Variants in SHC3 observed in about 807,000 individuals in gnomAD.
SHC3 encodes the protein SHC-transforming protein 3.
A neutral mutation model predicts 60.4 loss-of-function variants in SHC3; 15 were observed. The ratio of observed to expected loss-of-function variants is 0.25; its 90% CI spans 0.17 to 0.38. The LOEUF (loss-of-function observed/expected upper bound fraction) is 0.38. Ranked by LOEUF, SHC3 falls within the 10% of genes least tolerant of loss-of-function variation. The probability of loss-of-function intolerance (pLI) is 1.00; values close to 1 mark genes in which losing one functional copy is unlikely to be tolerated. For missense variants in SHC3, 677 were observed against 786.1 expected (o/e 0.86, Z 1.66); for synonymous variants, 294 against 325.9 (o/e 0.90, Z 1.05).
At position 89,006,492 on chromosome 9, in the gene SHC3, A is replaced by T. The variant is rs1268174000; in HGVS notation, c.*6955T>A. ...TCCAGCACAAAGTAGAAAGTGGTGA[A>T]TTGGCAATACGCCAAGACATAGACT... is the stretch of plus-strand genomic sequence containing the variant. On this transcript the variant is annotated 3_prime_UTR_variant, in exon 12 of 12. Coordinates refer to ENST00000375835, the MANE Select transcript of SHC3 (RefSeq NM_016848.6). 6.6e-6 allele frequency: 1 copy of T among 152,260 alleles called. No individual in the cohort carries two copies. Among genetic ancestry groups the T allele is most frequent in the Non-Finnish European group, 1.5e-5 (1 of 68,046 alleles). 9.4% of individuals were successfully genotyped at this position (152,260 alleles called of 1,614,324 possible). A position where few individuals can be genotyped will look rare whatever the true frequency, so the allele number is the denominator to read the frequency against.
chr9:89,072,386 T>C (rs1825288809), intron 4 of SHC3, among the ~76,000 whole-genome samples: 2 of 152,156 alleles, frequency 1.3e-5, no homozygotes, highest in South Asian at 4.1e-4. Flanking sequence ...AAAAACACAC[T>C]GAGGTCTCTG....
chr9:89,021,229 A>C (rs1330196631), intron 11 of SHC3, among the ~76,000 whole-genome samples: 1 of 152,218 alleles, frequency 6.6e-6, no homozygotes, highest in African/African-American at 2.4e-5. Context: ...GGAGCTCTGC[A>C]GCTGGATAGA....
intron 11 of SHC3, among the ~76,000 whole-genome samples, chr9:89,034,042 T>A: frequency 6.6e-6 from 1 of 152,190 alleles, no homozygotes; most frequent in East Asian, 1.9e-4. Context: ...ATAATGCATT[T>A]CACAAGAACT....
chr9:89,150,291 C>A (rs1826527637), intron 1 of SHC3, among the ~76,000 whole-genome samples: 1 of 152,034 alleles, frequency 6.6e-6, no homozygotes, highest in South Asian at 2.1e-4. Flanking sequence ...GCTGTACAAC[C>A]ATCACCATTT....
rs1825980759 is a variant in SHC3 at position 89,009,022 on chromosome 9, A to G, written c.*4425T>C. Reference sequence around the variant, plus strand: ...GCTTTTATGCATTTTGAGATGGAGCACAGATGTAGAACCCCTGGAGGGAAG... The same window carrying G: ...GCTTTTATGCATTTTGAGATGGAGCGCAGATGTAGAACCCCTGGAGGGAAG... On this transcript the variant is annotated 3_prime_UTR_variant, in exon 12 of 12. Coordinates refer to ENST00000375835, the MANE Select transcript of SHC3 (RefSeq NM_016848.6). 6.6e-6 allele frequency: 1 copy of G among 152,266 alleles called. No homozygotes were observed. Among genetic ancestry groups the G allele is most frequent in the Non-Finnish European group, 1.5e-5 (1 of 68,080 alleles). 9.4% of individuals were successfully genotyped at this position (152,266 alleles called of 1,614,324 possible). A position where few individuals can be genotyped will look rare whatever the true frequency, so the allele number is the denominator to read the frequency against.
chr9:89,126,254 C>T (rs1826163864), intron 1 of SHC3, among the ~76,000 whole-genome samples: 1 of 152,056 alleles, frequency 6.6e-6, no homozygotes, highest in Non-Finnish European at 1.5e-5. Context: ...GGTTAAAGGC[C>T]CCACTTAATA....
chr9:89,108,458 T>G (rs757997205), intron 2 of SHC3, among the ~76,000 whole-genome samples: 7 of 151,874 alleles, frequency 4.6e-5, no homozygotes, highest in African/African-American at 1.2e-4. Flanking sequence ...GAGGCAGAGG[T>G]TGCAGTGAAC....
chr9:89,011,081 T>C lies in SHC3; in HGVS notation c.*2366A>G, dbSNP rs1345965070. On this transcript the variant is annotated 3_prime_UTR_variant, in exon 12 of 12. Transcript: ENST00000375835. ...TAGAAAATCGCTGCCATCTGCTATGTCTGAAGCCTGCTCACTTCACTGGCA... is the reference window on the plus strand; with the variant it reads ...TAGAAAATCGCTGCCATCTGCTATGCCTGAAGCCTGCTCACTTCACTGGCA... 6.6e-6 allele frequency: 1 copy of C among 152,268 alleles called. No individual in the cohort carries two copies. Among genetic ancestry groups the C allele is most frequent in the Admixed American group, 6.5e-5 (1 of 15,290 alleles). 9.4% of individuals were successfully genotyped at this position (152,268 alleles called of 1,614,324 possible).
At chr9:89,137,090 T>C (rs552953602) in intron 1 of SHC3, among the ~76,000 whole-genome samples, 5 of 152,218 alleles carry the variant, frequency 3.3e-5, no homozygotes, top group African/African-American at 9.6e-5. Context: ...ACATACTCAC[T>C]ATCATGAGAA....
At position 89,035,146 on chromosome 9, in the gene SHC3, C is replaced by T. The variant is rs148510787; in HGVS notation, c.1656+2847G>A. 1.7e-3 allele frequency among the ~76,000 whole-genome samples: 254 copies of T among 152,300 alleles called. 2 individuals carry two copies. Among genetic ancestry groups the T allele is most frequent in the African/African-American group, 5.7e-3 (237 of 41,556 alleles). ...AGGGCCTTTGCAACCTCCACGATTG[C>T]GATGGCCCTCTGGTGTCCCACCTTC... On this transcript the variant is annotated intron_variant, in intron 11 of 11. Transcript: ENST00000375835.
intron 1 of SHC3, among the ~76,000 whole-genome samples, chr9:89,120,070 G>A (rs989561825): frequency 3.3e-5 from 5 of 152,144 alleles, no homozygotes; most frequent in Non-Finnish European, 7.3e-5. Flanking sequence ...TGTAGAATGG[G>A]ATATTCCCCC....
At chr9:89,037,031 G>A (rs368279303) in intron 11 of SHC3, among the ~76,000 whole-genome samples, 3 of 151,944 alleles carry the variant, frequency 2.0e-5, no homozygotes, top group Admixed American at 6.5e-5. Context: ...GGCTGTCTCC[G>A]CGGAAGGGAA....
In SHC3 at chr9:89,060,803, C is replaced by A. The variant is rs199836791; in HGVS notation, c.835+4726G>T. Among the ~76,000 whole-genome samples the A allele has an allele frequency of 1.4e-4, 21 of 151,942 alleles. No homozygotes were observed. In the East Asian group the frequency reaches 4.1e-3, roughly 29 times the overall value. On this transcript the variant is annotated intron_variant, in intron 6 of 11. Transcript: ENST00000375835. ...GAGTGACTGATGATTAATTATGGAGCCTGTCAGGGGGCAGCAGGGCAGTGG... is the reference window on the plus strand; with the variant it reads ...GAGTGACTGATGATTAATTATGGAGACTGTCAGGGGGCAGCAGGGCAGTGG...
intron 3 of SHC3, among the ~76,000 whole-genome samples, chr9:89,077,163 C>G (rs537429269): frequency 1.3e-5 from 2 of 149,754 alleles, no homozygotes; most frequent in East Asian, 1.9e-4. Context: ...GGGGATAGAG[C>G]GAGACTCTGT....
chr9:89,044,266 A>G (rs1824737212), intron 9 of SHC3, among the ~76,000 whole-genome samples: 1 of 152,230 alleles, frequency 6.6e-6, no homozygotes, highest in Non-Finnish European at 1.5e-5. Flanking sequence ...CCTCTGGCAA[A>G]GTTATGACTC....
In SHC3 at chr9:89,038,253, C is replaced by T; in HGVS notation, c.1396G>A (p.Gly466Arg). 1.2e-6 allele frequency: 2 copies of T among 1,613,734 alleles called. No homozygotes were observed. The highest frequency in any genetic ancestry group is 1.3e-5 in the African/African-American group (1 of 74,890). Residue 466 changes from glycine to arginine, a missense_variant, in exon 11 of 12, where the codon GGG (glycine) becomes AGG (arginine). Coordinates refer to ENST00000375835, the MANE Select transcript of SHC3 (RefSeq NM_016848.6). Reference sequence around the variant, plus strand: ...GAGGCTGCCTTGCTTAACACGGGCCCCAAGGGCTGGTTCTTGAGAGCATCT... The same window carrying T: ...GAGGCTGCCTTGCTTAACACGGGCCTCAAGGGCTGGTTCTTGAGAGCATCT... The part of the protein sequence containing the change: ...FEDALKNQPL[G>R]PVLSKAASVE...
chr9:89,125,603 C>T (rs1826152610), intron 1 of SHC3, among the ~76,000 whole-genome samples: 1 of 152,086 alleles, frequency 6.6e-6, no homozygotes, highest in Non-Finnish European at 1.5e-5. Context: ...GATAGGAAGT[C>T]AGCATAAGAT....
intron 1 of SHC3, among the ~76,000 whole-genome samples, chr9:89,168,947 A>C (rs1053444324): frequency 2.0e-5 from 3 of 152,138 alleles, no homozygotes; most frequent in Admixed American, 1.3e-4. Flanking sequence ...ATCAGACTGA[A>C]ACATTGGCTT....
intron 1 of SHC3, among the ~76,000 whole-genome samples, chr9:89,150,525 G>T (rs1347069782): frequency 6.6e-6 from 1 of 152,156 alleles, no homozygotes; most frequent in Non-Finnish European, 1.5e-5. Context: ...CCATGTTGTA[G>T]CATGGTCAGT....
Sources: allele counts gnomAD v4.1 joint callset (sites outside exome capture counted in the v4.1 genomes callset), GRCh38; gene constraint gnomAD v4.1.1; transcripts MANE v1.5; gene names NCBI Gene and HGNC (gene_info 2026-07-23, HGNC 2026-07-21).